The following LIN52 variants were observed in gnomAD, a reference collection of about 807,000 sequenced individuals.
LIN52 encodes protein lin-52 homolog.
A neutral mutation model predicts 18.5 loss-of-function variants in LIN52; 4 were observed. That is an observed-to-expected ratio of 0.22 (90% CI 0.11 to 0.49). The LOEUF is 0.49. Ranked by LOEUF, LIN52 falls within the 20% of genes least tolerant of loss-of-function variation. The pLI is 0.97. For synonymous variants in LIN52, 34 were observed against 45.5 expected (o/e 0.75, Z 1.02); for missense variants, 102 against 139.5 (o/e 0.73, Z 1.35).
chr14:74,151,562 A>G (rs2061177011), intron 5 of LIN52, among the ~76,000 whole-genome samples: 1 of 152,250 alleles, frequency 6.6e-6, no homozygotes, highest in Non-Finnish European at 1.5e-5. Flanking sequence ...TATAAATCAA[A>G]TGCTATTTGA....
intron 5 of LIN52, among the ~76,000 whole-genome samples, chr14:74,122,730 G>A (rs1443552110): frequency 7.2e-5 from 11 of 152,126 alleles, no homozygotes; most frequent in Non-Finnish European, 1.2e-4. Context: ...GCTGGGTATG[G>A]TGGCAGGCAC....
At chr14:74,153,364 T>C (rs1400575550) in intron 5 of LIN52, among the ~76,000 whole-genome samples, 2 of 152,194 alleles carry the variant, frequency 1.3e-5, no homozygotes, top group Non-Finnish European at 2.9e-5. Flanking sequence ...GTAATAGTCA[T>C]TGATATTTTG....
rs190722445 is a variant in LIN52 at position 74,101,661 on chromosome 14, C to T, written c.283+423C>T. On this transcript the variant is annotated intron_variant, in intron 5 of 5. Transcript: ENST00000555028. ...ATTTTTAGTAGAGACGGGGTTTCACCGTTTTAGCCGGGATGGTCTCGATCT... is the reference window on the plus strand; with the variant it reads ...ATTTTTAGTAGAGACGGGGTTTCACTGTTTTAGCCGGGATGGTCTCGATCT... 9.3e-3 allele frequency among the ~76,000 whole-genome samples: 1,411 copies of T among 151,940 alleles called. 21 individuals are homozygous for T. Among genetic ancestry groups the T allele is most frequent in the Admixed American group, 0.034 (514 of 15,276 alleles).
intron 5 of LIN52, among the ~76,000 whole-genome samples, chr14:74,160,326 C>G (rs1163315611): frequency 6.6e-6 from 1 of 152,194 alleles, no homozygotes; most frequent in Non-Finnish European, 1.5e-5. Context: ...TTAGCTCAAG[C>G]TGCTGTATGA....
chr14:74,127,437 T>C (rs1595166557), intron 5 of LIN52, among the ~76,000 whole-genome samples: 1 of 152,176 alleles, frequency 6.6e-6, no homozygotes, highest in Non-Finnish European at 1.5e-5. Context: ...AGAAGACTAA[T>C]ATGAATTCAG....
chr14:74,177,397 A>G (rs2061298724), intron 5 of LIN52, among the ~76,000 whole-genome samples: 2 of 152,198 alleles, frequency 1.3e-5, no homozygotes, highest in Non-Finnish European at 2.9e-5. Flanking sequence ...GGATGTTTGT[A>G]TATTATGCCA....
At chr14:74,098,073 C>G (rs937454641) in intron 4 of LIN52, among the ~76,000 whole-genome samples, 3 of 152,186 alleles carry the variant, frequency 2.0e-5, no homozygotes, top group Non-Finnish European at 2.9e-5. Context: ...ATAGTGAATT[C>G]TGCTGCTGGT....
chr14:74,121,805 C>T lies in LIN52; in HGVS notation c.283+20567C>T, dbSNP rs572016211. On this transcript the variant is annotated intron_variant, in intron 5 of 5. Coordinates refer to ENST00000555028, the MANE Select transcript of LIN52 (RefSeq NM_001024674.3). ...GTGGCGCCATCTCAACTCACTGGAA[C>T]CTCTGCCTCCCGGGTTCAAGTGATT... is the stretch of plus-strand genomic sequence containing the variant. Among the ~76,000 whole-genome samples the T allele has an allele frequency of 1.6e-3, 248 of 151,604 alleles. 3 individuals carry two copies. The highest frequency in any genetic ancestry group is 5.9e-3 in the African/African-American group (242 of 41,284).
chr14:74,178,460 ATT>A (rs376347275), intron 5 of LIN52, among the ~76,000 whole-genome samples: 2,052 of 141,336 alleles, frequency 0.015, 42 homozygotes, highest in African/African-American at 0.05. Context: ...TATTAAAATA[ATT>A]TTTTTTTTTT....
intron 5 of LIN52, among the ~76,000 whole-genome samples, chr14:74,119,561 AAT>A (rs1211837903): frequency 6.6e-6 from 1 of 152,202 alleles, no homozygotes; most frequent in East Asian, 1.9e-4. Flanking sequence ...TCCAAATATT[AAT>A]AGTTTTCCAA....
chr14:74,166,974 G>A (rs1468209172), intron 5 of LIN52, among the ~76,000 whole-genome samples: 1 of 152,074 alleles, frequency 6.6e-6, no homozygotes, highest in Admixed American at 6.5e-5. Flanking sequence ...AGTCCCAGGT[G>A]GCCTGTCAGG....
intron 5 of LIN52, among the ~76,000 whole-genome samples, chr14:74,180,257 G>A (rs2061312550): frequency 7.3e-6 from 1 of 137,820 alleles, no homozygotes; most frequent in Non-Finnish European, 1.5e-5. Context: ...AAGGAGGGAG[G>A]AGGAATTTTT....
At chr14:74,151,522 T>C (rs1029844135) in intron 5 of LIN52, among the ~76,000 whole-genome samples, 1 of 152,226 alleles carries the variant, frequency 6.6e-6, no homozygotes, top group Non-Finnish European at 1.5e-5. Context: ...AAAAAGTGAT[T>C]GACCAGTCTG....
chr14:74,159,633 A>G (rs900232963), intron 5 of LIN52, among the ~76,000 whole-genome samples: 2 of 148,808 alleles, frequency 1.3e-5, no homozygotes, highest in Non-Finnish European at 3.0e-5. Context: ...AAGCAGTGGC[A>G]TGATCTCAGC....
chr14:74,137,917 C>G (rs1595171379), intron 5 of LIN52, among the ~76,000 whole-genome samples: 1 of 152,136 alleles, frequency 6.6e-6, no homozygotes, highest in South Asian at 2.1e-4. Context: ...TTACAATAAG[C>G]CTGCTTTATC....
At chr14:74,110,809 A>T (rs1045206665) in intron 5 of LIN52, among the ~76,000 whole-genome samples, 6 of 151,586 alleles carry the variant, frequency 4.0e-5, no homozygotes, top group Non-Finnish European at 5.9e-5. Flanking sequence ...CTAAAAATAC[A>T]AAAAAAGTTA....
intron 5 of LIN52, among the ~76,000 whole-genome samples, chr14:74,161,755 G>A (rs1221050881): frequency 1.3e-5 from 2 of 152,176 alleles, no homozygotes; most frequent in African/African-American, 4.8e-5. Context: ...GGGGGAGGGA[G>A]CCCCACCACT....
rs184474930 is a variant in LIN52 at position 74,102,779 on chromosome 14, G to A, written c.283+1541G>A. On this transcript the variant is annotated intron_variant, in intron 5 of 5. Transcript: ENST00000555028. Reference sequence around the variant, plus strand: ...ATATTACCAAATAGATTTGTCAGTAGTATTATCTATAGTTATAGCTGAAAT... The same window carrying A: ...ATATTACCAAATAGATTTGTCAGTAATATTATCTATAGTTATAGCTGAAAT... Among the ~76,000 whole-genome samples, 5 of 152,278 alleles carry A rather than the reference G, an allele frequency of 3.3e-5. No individual in the cohort carries two copies. In the South Asian group the frequency reaches 1.0e-3, roughly 32 times the overall value.
At chr14:74,125,214 A>G (rs2061021866) in intron 5 of LIN52, among the ~76,000 whole-genome samples, 1 of 152,178 alleles carries the variant, frequency 6.6e-6, no homozygotes, top group Non-Finnish European at 1.5e-5. Context: ...TGGTTGAACT[A>G]GTTTACAGTC....
Sources: gnomAD v4.1 joint callset for allele counts (sites outside exome capture counted in the v4.1 genomes callset) on GRCh38, gnomAD v4.1.1 for gene constraint, MANE v1.5 for transcripts, NCBI Gene and HGNC (gene_info 2026-07-23, HGNC 2026-07-21) for gene names.